TMPRSS9: variants seen among roughly 807,000 people sequenced by gnomAD.
TMPRSS9 encodes transmembrane serine protease 9.
A neutral mutation model predicts 111.4 loss-of-function variants in TMPRSS9; 113 were observed. The ratio of observed to expected loss-of-function variants is 1.01; its 90% CI spans 0.87 to 1.19. The LOEUF (loss-of-function observed/expected upper bound fraction) is 1.19. Among genes scored for constraint, TMPRSS9 ranks in the 50% most tolerant of loss-of-function variants. TMPRSS9 has a pLI of 0.00. For synonymous variants in TMPRSS9, 805 were observed against 659.1 expected, an observed-to-expected ratio of 1.22 and a Z score of -3.39; for missense variants, 1,803 against 1,513.1, an observed-to-expected ratio of 1.19 and a Z score of -3.18.
At chr19:2,392,092 TAATCCCAG>T (rs1471902467) in intron 1 of TMPRSS9, among the ~76,000 whole-genome samples, 6 of 152,042 alleles carry the variant, frequency 3.9e-5, no homozygotes, top group African/African-American at 1.4e-4. Flanking sequence ...CTCCTGCCTG[TAATCCCAG>T]CACTCTGGGA....
chr19:2,365,054 T>C (rs1235040221), intron 1 of TMPRSS9, among the ~76,000 whole-genome samples: 1 of 152,060 alleles, frequency 6.6e-6, no homozygotes, highest in African/African-American at 2.4e-5. Flanking sequence ...ATTTCTGTTC[T>C]ACGTTGCAAT....
chr19:2,405,989 C>T (rs567446565), intron 7 of TMPRSS9, among the ~76,000 whole-genome samples: 21 of 149,418 alleles, frequency 1.4e-4, no homozygotes, highest in Admixed American at 2.7e-4. Context: ...AGCCATCGTG[C>T]CCGGCCTCTT....
At chr19:2,417,836 ACCT>A (rs372080268) in intron 12 of TMPRSS9, among the ~76,000 whole-genome samples, 163 bp from the exon 14 acceptor site, 1 of 152,006 alleles carries the variant, frequency 6.6e-6, no homozygotes, top group Non-Finnish European at 1.5e-5. Context: ...CATCAGGCCC[ACCT>A]CCTCCTCACT....
chr19:2,384,683 C>T (rs1445430877), intron 1 of TMPRSS9, among the ~76,000 whole-genome samples: 5 of 151,938 alleles, frequency 3.3e-5, no homozygotes, highest in East Asian at 1.9e-4. Flanking sequence ...GGCGTGGTGG[C>T]GGGCGCCTGT....
At chr19:2,410,834 G>A (rs1971079482) in intron 9 of TMPRSS9, among the ~76,000 whole-genome samples, 1 of 152,090 alleles carries the variant, frequency 6.6e-6, no homozygotes, top group Admixed American at 6.6e-5. Context: ...CCCAGCACTG[G>A]GCCTGATACA....
chr19:2,410,500 A>C, intron 9 of TMPRSS9, 106 bp downstream of exon 10: 1 of 1,441,814 alleles, frequency 6.9e-7, no homozygotes, highest in Non-Finnish European at 9.3e-7. Context: ...TGAGCCCCCA[A>C]CGCCCCAGAC....
intron 4 of TMPRSS9, among the ~76,000 whole-genome samples, chr19:2,399,752 C>G (rs1970790451): frequency 6.6e-6 from 1 of 152,042 alleles, no homozygotes; most frequent in South Asian, 2.1e-4. Flanking sequence ...GGATCTCACT[C>G]TGTTGCCCAG....
At chr19:2,416,844 T>G (rs375452344) in intron 12 of TMPRSS9, 35 bp downstream of exon 13, 1 of 1,574,594 alleles carries the variant, frequency 6.4e-7, no homozygotes, top group Non-Finnish European at 8.6e-7. Flanking sequence ...ACGGTGGATT[T>G]ATTCTCCAGG....
chr19:2,426,005 G>A lies in TMPRSS9; in HGVS notation c.3199G>A (p.Gly1067Ser), dbSNP rs147027818. The change falls in exon 18 of 18, where the codon GGC becomes AGC. Residue 1067 changes from glycine to serine, a missense_variant. Physicochemically the swap from Gly to Ser is moderately conservative, Grantham distance 56. Coordinates refer to ENST00000648592, the Ensembl canonical transcript of TMPRSS9. ...AACTGGGGTCACTAGCTGGGGCTAT[G>A]GCTGTGGCCGGCCCCACTTCCCAGG... 20 of 1,607,202 alleles carry A rather than the reference G, an allele frequency of 1.2e-5. No individual in the cohort carries two copies. The highest frequency in any genetic ancestry group is 1.7e-5 in the Non-Finnish European group (20 of 1,177,822).
At chr19:2,382,049 C>A (rs1391023419) in intron 1 of TMPRSS9, among the ~76,000 whole-genome samples, 2 of 151,838 alleles carry the variant, frequency 1.3e-5, no homozygotes, top group African/African-American at 4.8e-5. Context: ...ACTATGTTGT[C>A]AGGCTGGTCT....
exon 9 of TMPRSS9, chr19:2,410,381 T>A: frequency 6.2e-7 from 1 of 1,613,864 alleles, no homozygotes; most frequent in South Asian, 1.1e-5. Flanking sequence ...GACGGGAAGG[T>A]GGACTCCTGC....
chr19:2,425,836 C>T, intron 17 of TMPRSS9, 91 bp from the exon 19 acceptor site: 1 of 1,462,494 alleles, frequency 6.8e-7, no homozygotes, highest in Non-Finnish European at 9.0e-7. Flanking sequence ...CAGGGGAAGT[C>T]ACTAGGGTCA....
chr19:2,401,058 A>C (rs1970830735), intron 4 of TMPRSS9, among the ~76,000 whole-genome samples: 1 of 150,476 alleles, frequency 6.6e-6, no homozygotes, highest in Admixed American at 6.7e-5. Flanking sequence ...GCAGATCACA[A>C]GGTCAGGAGA....
At chr19:2,379,617 CTTTCTTTCTTT>C (rs1970366883) in intron 1 of TMPRSS9, among the ~76,000 whole-genome samples, 2 of 103,892 alleles carry the variant, frequency 1.9e-5, no homozygotes, top group African/African-American at 4.1e-5. Context: ...CTTTCTTTCT[CTTTCTTTCTTT>C]CTTTCTTTCT....
chr19:2,381,919 T>C (rs1441804900), intron 1 of TMPRSS9, among the ~76,000 whole-genome samples: 2 of 152,230 alleles, frequency 1.3e-5, no homozygotes, highest in Non-Finnish European at 2.9e-5. Context: ...CTCAGCTCAC[T>C]GCAACCTCCA....
intron 1 of TMPRSS9, among the ~76,000 whole-genome samples, chr19:2,379,645 C>CTTTCTTTCTT (rs1568170810): frequency 6.7e-6 from 1 of 148,786 alleles, no homozygotes; most frequent in South Asian, 2.1e-4. Flanking sequence ...TTCTTTCTTT[C>CTTTCTTTCTT]TTTCTTTCTT....
intron 4 of TMPRSS9, among the ~76,000 whole-genome samples, chr19:2,401,559 C>G (rs1193476644): frequency 6.6e-6 from 1 of 152,084 alleles, no homozygotes; most frequent in African/African-American, 2.4e-5. Flanking sequence ...GACAAGGCAG[C>G]TGCTCACTTT....
At chr19:2,414,939 C>CTTTTTTTTTTTTTTTTTTTTTTT (rs1474701467) in intron 10 of TMPRSS9, among the ~76,000 whole-genome samples, 1 of 141,456 alleles carries the variant, frequency 7.1e-6, no homozygotes. Flanking sequence ...AGTTGCATTC[C>CTTTTTTTTTTTTTTTTTTTTTTT]TATTTTTTTT....
chr19:2,395,377 G>C (rs1006295800), intron 1 of TMPRSS9, among the ~76,000 whole-genome samples: 1 of 152,096 alleles, frequency 6.6e-6, no homozygotes, highest in Non-Finnish European at 1.5e-5. Flanking sequence ...AGGTTGCAGC[G>C]AGCTGAGAAA....
Sources: allele counts gnomAD v4.1 joint callset (sites outside exome capture counted in the v4.1 genomes callset), GRCh38; gene constraint gnomAD v4.1.1; transcripts MANE v1.5; gene names NCBI Gene and HGNC (gene_info 2026-07-23, HGNC 2026-07-21).